CREB5: variants seen among roughly 807,000 people sequenced by gnomAD.
CREB5 encodes cAMP responsive element binding protein 5.
Under a neutral mutation model 57.1 loss-of-function variants are expected in CREB5, and 19 were observed. The observed-to-expected ratio is 0.33, with a 90% CI of 0.23 to 0.49. The LOEUF (loss-of-function observed/expected upper bound fraction) is 0.49. CREB5 is among the 20% of genes least tolerant of loss of function. CREB5 has a pLI of 0.99. For synonymous variants in CREB5, 238 were observed against 238.3 expected, an observed-to-expected ratio of 1.00 and a Z score of 0.01; for missense variants, 579 against 671.6, an observed-to-expected ratio of 0.86 and a Z score of 1.52.
At chr7:28,748,752 C>A (rs552357410) in intron 7 of CREB5, among the ~76,000 whole-genome samples, 1 of 152,252 alleles carries the variant, frequency 6.6e-6, no homozygotes, top group East Asian at 1.9e-4. Flanking sequence ...CAGGCCCCAG[C>A]GTGCAATGAG....
At chr7:28,314,453 T>C (rs1785338289) in intron 1 of CREB5, among the ~76,000 whole-genome samples, 1 of 152,242 alleles carries the variant, frequency 6.6e-6, no homozygotes, top group African/African-American at 2.4e-5. Flanking sequence ...TGAATCTTAG[T>C]CCTATGGAGC....
intron 5 of CREB5, among the ~76,000 whole-genome samples, chr7:28,689,640 C>T (rs1801145734): frequency 6.6e-6 from 1 of 152,060 alleles, no homozygotes; most frequent in Admixed American, 6.6e-5. Flanking sequence ...TACAGTTTTG[C>T]CTTTCATGAT....
intron 4 of CREB5, among the ~76,000 whole-genome samples, chr7:28,560,939 T>G (rs1484937376): frequency 3.1e-5 from 1 of 31,894 alleles, no homozygotes; most frequent in African/African-American, 1.4e-4. Context: ...CGTGTGTGCG[T>G]GCGTGTGTGT....
intron 5 of CREB5, among the ~76,000 whole-genome samples, chr7:28,622,005 G>T (rs1193270908): frequency 6.6e-6 from 1 of 152,084 alleles, no homozygotes. Flanking sequence ...GTCTCAGGTG[G>T]ATTCTACTTG....
chr7:28,530,797 C>T (rs1377582386), intron 4 of CREB5, among the ~76,000 whole-genome samples: 1 of 152,218 alleles, frequency 6.6e-6, no homozygotes, highest in Non-Finnish European at 1.5e-5. Flanking sequence ...AGAGTCCCCA[C>T]TCATCTCCAC....
At chr7:28,373,536 T>A (rs1786758098) in intron 1 of CREB5, among the ~76,000 whole-genome samples, 1 of 151,048 alleles carries the variant, frequency 6.6e-6, no homozygotes, top group South Asian at 2.1e-4. Flanking sequence ...TGCCTCTGGG[T>A]CTTAAGCCTT....
intron 9 of CREB5, among the ~76,000 whole-genome samples, chr7:28,810,005 T>C (rs1422320912): frequency 6.6e-6 from 1 of 152,196 alleles, no homozygotes; most frequent in Non-Finnish European, 1.5e-5. Flanking sequence ...TGTTTTCATC[T>C]CATTTGCCAA....
chr7:28,463,663 T>C (rs1457443787), intron 1 of CREB5, among the ~76,000 whole-genome samples: 2 of 152,190 alleles, frequency 1.3e-5, no homozygotes, highest in African/African-American at 2.4e-5. Flanking sequence ...AACAATTTTA[T>C]ATTTTGATGC....
chr7:28,791,628 A>G (rs1273615684), intron 7 of CREB5, among the ~76,000 whole-genome samples: 2 of 152,204 alleles, frequency 1.3e-5, no homozygotes, highest in Non-Finnish European at 2.9e-5. Flanking sequence ...GCAAGCTACT[A>G]TATATTATTG....
intron 1 of CREB5, among the ~76,000 whole-genome samples, chr7:28,340,613 C>T (rs1785918651): frequency 1.3e-5 from 2 of 152,138 alleles, no homozygotes; most frequent in South Asian, 4.2e-4. Flanking sequence ...AGGGGTGGTG[C>T]AAGCACTTAC....
At chr7:28,699,618 A>T (rs565377693) in intron 5 of CREB5, among the ~76,000 whole-genome samples, 1 of 152,236 alleles carries the variant, frequency 6.6e-6, no homozygotes, top group Non-Finnish European at 1.5e-5. Context: ...ACTTATGCTT[A>T]TCTATATTTA....
intron 1 of CREB5, among the ~76,000 whole-genome samples, chr7:28,315,141 A>C (rs1398362716): frequency 6.6e-6 from 1 of 152,136 alleles, no homozygotes; most frequent in African/African-American, 2.4e-5. Flanking sequence ...AAATGGCTCA[A>C]TGTATATGTC....
intron 5 of CREB5, among the ~76,000 whole-genome samples, chr7:28,623,239 C>T (rs779099477): frequency 6.6e-6 from 1 of 152,184 alleles, no homozygotes; most frequent in Non-Finnish European, 1.5e-5. Context: ...TGCGTCCAGC[C>T]CATAGGAATA....
intron 5 of CREB5, among the ~76,000 whole-genome samples, chr7:28,610,105 T>C (rs1797325041): frequency 6.6e-6 from 1 of 152,196 alleles, no homozygotes; most frequent in Non-Finnish European, 1.5e-5. Flanking sequence ...TAACTCATGC[T>C]GTTAGGTCTT....
At chr7:28,568,730 A>G (rs906437310) in intron 4 of CREB5, among the ~76,000 whole-genome samples, 1 of 152,162 alleles carries the variant, frequency 6.6e-6, no homozygotes, top group Non-Finnish European at 1.5e-5. Flanking sequence ...CCAGGTGCCC[A>G]GTTTCCATCT....
At chr7:28,445,527 C>G (rs1200912871) in intron 1 of CREB5, among the ~76,000 whole-genome samples, 1 of 151,536 alleles carries the variant, frequency 6.6e-6, no homozygotes, top group Non-Finnish European at 1.5e-5. Flanking sequence ...GAAAGTGGGT[C>G]CCGGGAGCCA....
At chr7:28,732,423 C>T (rs186851528) in intron 7 of CREB5, among the ~76,000 whole-genome samples, 2 of 152,248 alleles carry the variant, frequency 1.3e-5, no homozygotes, top group East Asian at 3.9e-4. Flanking sequence ...TGGTTTGGGT[C>T]AGAACACCCC....
intron 9 of CREB5, among the ~76,000 whole-genome samples, chr7:28,815,350 C>G (rs1387626611): frequency 6.6e-6 from 1 of 152,182 alleles, no homozygotes; most frequent in African/African-American, 2.4e-5. Context: ...TCTCAATATT[C>G]TCAGGGTTCT....
intron 5 of CREB5, among the ~76,000 whole-genome samples, chr7:28,586,890 G>C (rs1796324740): frequency 6.6e-6 from 1 of 152,194 alleles, no homozygotes; most frequent in Non-Finnish European, 1.5e-5. Context: ...TTTCCCACCT[G>C]GCAAATGCCT....
Sources: gnomAD v4.1 joint callset for allele counts (sites outside exome capture counted in the v4.1 genomes callset) on GRCh38, gnomAD v4.1.1 for gene constraint, MANE v1.5 for transcripts, NCBI Gene and HGNC (gene_info 2026-07-23, HGNC 2026-07-21) for gene names.